SH3BP5: variants seen among roughly 807,000 people sequenced by gnomAD.
SH3BP5 encodes the protein SH3 domain binding protein 5, also known as SH3 domain-binding protein 5.
Under a neutral mutation model 43.3 loss-of-function variants are expected in SH3BP5, and 22 were observed. That is an observed-to-expected ratio of 0.51 (90% CI 0.36 to 0.73). SH3BP5 has a LOEUF of 0.73. Among genes scored for constraint, SH3BP5 ranks in the 30% least tolerant of loss-of-function variants. SH3BP5 has a pLI of 0.00. For missense variants in SH3BP5, 529 were observed against 586.9 expected, an observed-to-expected ratio of 0.90 and a Z score of 1.02; for synonymous variants, 255 against 225.8, an observed-to-expected ratio of 1.13 and a Z score of -1.16.
intron 3 of SH3BP5, among the ~76,000 whole-genome samples, chr3:15,284,248 C>T (rs988361053): frequency 3.9e-5 from 6 of 152,206 alleles, no homozygotes; most frequent in African/African-American, 7.2e-5. Context: ...ACCATCTGCA[C>T]ACCCATTTTG....
intron 3 of SH3BP5, among the ~76,000 whole-genome samples, chr3:15,296,490 T>C (rs1559445440): frequency 6.6e-6 from 1 of 152,116 alleles, no homozygotes; most frequent in Non-Finnish European, 1.5e-5. Flanking sequence ...TGTTCTATGT[T>C]TGATAGGTCA....
At chr3:15,324,817 C>G (rs931532973) in intron 2 of SH3BP5, among the ~76,000 whole-genome samples, 4 of 120,730 alleles carry the variant, frequency 3.3e-5, no homozygotes, top group African/African-American at 6.3e-5. Flanking sequence ...TTTCTAAGCT[C>G]AAAACAGAGT....
At chr3:15,287,147 T>C (rs180885804) in intron 3 of SH3BP5, among the ~76,000 whole-genome samples, 1 of 152,320 alleles carries the variant, frequency 6.6e-6, no homozygotes, top group East Asian at 1.9e-4. Context: ...AGTGAGTTAA[T>C]ACATATAAAG....
At chr3:15,283,270 C>T (rs763564564) in intron 3 of SH3BP5, among the ~76,000 whole-genome samples, 6 of 152,064 alleles carry the variant, frequency 3.9e-5, no homozygotes, top group Non-Finnish European at 7.4e-5. Flanking sequence ...TGGTGGCAGG[C>T]GCCTGTAGTC....
Position 15,340,678 on chromosome 3 carries a change from T to C in SH3BP5, c.-402+545A>G, listed in dbSNP as rs531760964. Among the ~76,000 whole-genome samples, 178 of 152,060 alleles carry C rather than the reference T, an allele frequency of 1.2e-3. 1 individual carries two copies. Among genetic ancestry groups the C allele is most frequent in the Non-Finnish European group, 1.1e-3 (72 of 67,988 alleles). ...AATTGGGAGAATCACTTGAACTCCATAGGCGGAGGTTGCAGTAAGCCAAGA... is the reference window on the plus strand; with the variant it reads ...AATTGGGAGAATCACTTGAACTCCACAGGCGGAGGTTGCAGTAAGCCAAGA... On this transcript the variant is annotated intron_variant, in intron 1 of 8. Coordinates refer to the SH3BP5 transcript ENST00000408919.
chr3:15,286,351 C>T (rs1410414871), intron 3 of SH3BP5, among the ~76,000 whole-genome samples: 1 of 152,232 alleles, frequency 6.6e-6, no homozygotes. Context: ...CTCATTTCCA[C>T]CTGGTATTGC....
chr3:15,337,914 CAAAAAAA>C (rs5846867), intron 1 of SH3BP5, among the ~76,000 whole-genome samples: 45 of 63,290 alleles, frequency 7.1e-4, no homozygotes, highest in Admixed American at 1.6e-3. Context: ...GACCCTGACT[CAAAAAAA>C]AAAAAAAAAA....
intron 3 of SH3BP5, among the ~76,000 whole-genome samples, chr3:15,271,376 A>AT (rs1696793402): frequency 6.6e-6 from 1 of 152,084 alleles, no homozygotes; most frequent in Non-Finnish European, 1.5e-5. Context: ...AATAAATAAA[A>AT]TTTAAAGATT....
At chr3:15,324,397 T>C (rs1408495221) in intron 2 of SH3BP5, among the ~76,000 whole-genome samples, 5 of 152,232 alleles carry the variant, frequency 3.3e-5, no homozygotes, top group Admixed American at 1.3e-4. Flanking sequence ...TGATTATTTG[T>C]TGACCACCCT....
chr3:15,256,264 T>A lies in SH3BP5; in HGVS notation c.1190A>T (p.Lys397Ile), dbSNP rs1194245847. The A allele has an allele frequency of 8.1e-6, 13 of 1,614,220 alleles. No individual in the cohort carries two copies. The highest frequency in any genetic ancestry group is 9.3e-6 in the Non-Finnish European group (11 of 1,180,032). The change falls in exon 9 of 9, where the codon AAA becomes ATA. Residue 397 changes from lysine (K) to isoleucine (I), a missense_variant. Around this residue, in one of 3 missense-constraint regions of SH3BP5, gnomAD observed 369 missense variants for 384.3 expected, o/e 0.96. Coordinates refer to ENST00000383791, the MANE Select transcript of SH3BP5 (RefSeq NM_004844.5). Reference protein sequence around the residue: ...AEGAENKTSDKANNNRGLSSS... With the variant: ...AEGAENKTSDIANNNRGLSSS... ...GCTGAGGCCCCGGTTGTTGTTGGCT[T>A]TGTCACTTGTTTTATTCTCTGCCCC...
intron 2 of SH3BP5, among the ~76,000 whole-genome samples, chr3:15,312,493 C>T (rs896342441): frequency 6.6e-6 from 1 of 152,122 alleles, no homozygotes; most frequent in South Asian, 2.1e-4. Context: ...GAAGGGGGAC[C>T]TGCAGCCAAA....
intron 2 of SH3BP5, among the ~76,000 whole-genome samples, chr3:15,304,924 T>C (rs1274734986): frequency 6.6e-6 from 1 of 151,060 alleles, no homozygotes; most frequent in Non-Finnish European, 1.5e-5. Flanking sequence ...ATCGGTAGGA[T>C]GGACCCTTTG....
intron 3 of SH3BP5, among the ~76,000 whole-genome samples, chr3:15,294,077 CAAAAA>C (rs111324706): frequency 1.4e-5 from 1 of 70,938 alleles, no homozygotes; most frequent in Non-Finnish European, 3.3e-5. Context: ...GTCTCCATCT[CAAAAA>C]AAAAAAAAAA....
intron 2 of SH3BP5, among the ~76,000 whole-genome samples, chr3:15,307,664 C>A (rs1426614728): frequency 6.6e-6 from 1 of 152,240 alleles, no homozygotes; most frequent in African/African-American, 2.4e-5. Flanking sequence ...TTAAAAACCA[C>A]CCAGGGAGTT....
intron 2 of SH3BP5, among the ~76,000 whole-genome samples, chr3:15,325,717 T>C (rs1484124373): frequency 1.3e-5 from 2 of 152,186 alleles, no homozygotes; most frequent in Non-Finnish European, 2.9e-5. Context: ...GCTCAATAAA[T>C]ACTTAGTGAA....
intron 3 of SH3BP5, among the ~76,000 whole-genome samples, chr3:15,285,497 T>C (rs979203882): frequency 6.6e-6 from 1 of 152,248 alleles, no homozygotes; most frequent in East Asian, 1.9e-4. Flanking sequence ...TCTGACTTCA[T>C]AGGACCAAGT....
rs758749769 is a variant in SH3BP5 at position 15,256,892 on chromosome 3, A to G, written c.1111T>C (p.Cys371Arg). ...MFPVLGPRSE[C>R]SGASSPECEV... Reference sequence around the variant, plus strand: ...CATTCAGGGGAGGAGGCCCCGCTGCATTCACTTCGAGGGCCCAACACTGGG... The same window carrying G: ...CATTCAGGGGAGGAGGCCCCGCTGCGTTCACTTCGAGGGCCCAACACTGGG... The change falls in exon 8 of 9, where the codon TGC becomes CGC. Residue 371 changes from cysteine (C) to arginine (R), a missense_variant. By Grantham distance (180) the Cys-to-Arg change is radical (BLOSUM62 -3). Coordinates refer to ENST00000383791, the MANE Select transcript of SH3BP5 (RefSeq NM_004844.5). 1.2e-6 allele frequency: 2 copies of G among 1,613,696 alleles called. No homozygotes were observed. Among genetic ancestry groups the G allele is most frequent in the East Asian group, 2.2e-5 (1 of 44,866 alleles).
intron 3 of SH3BP5, among the ~76,000 whole-genome samples, chr3:15,284,978 G>A (rs961442214): frequency 6.6e-6 from 1 of 152,142 alleles, no homozygotes. Flanking sequence ...GCAACCCACA[G>A]CCCTCTCCTT....
At chr3:15,332,853 T>G (rs1331776057), upstream of SH3BP5, among the ~76,000 whole-genome samples, 1 of 152,184 alleles carries the variant, frequency 6.6e-6, no homozygotes, top group Non-Finnish European at 1.5e-5. Flanking sequence ...CGAGGCTCGT[T>G]GTTTGTGTGG....
Sources: gnomAD v4.1 joint callset for allele counts (sites outside exome capture counted in the v4.1 genomes callset) on GRCh38, gnomAD v4.1.1 for gene constraint, gnomAD v4.1.1 regional missense constraint, MANE v1.5 for transcripts, NCBI Gene and HGNC (gene_info 2026-07-23, HGNC 2026-07-21) for gene names.